SYT9: variants seen among roughly 807,000 people sequenced by gnomAD.
SYT9 encodes synaptotagmin-9.
A neutral mutation model predicts 48.4 loss-of-function variants in SYT9; 22 were observed. That is an observed-to-expected ratio of 0.45 (90% CI 0.32 to 0.65). The LOEUF (loss-of-function observed/expected upper bound fraction) is 0.65. Ranked by LOEUF, SYT9 falls within the 30% of genes least tolerant of loss-of-function variation. SYT9 has a pLI of 0.03. For synonymous variants in SYT9, 265 were observed against 245.0 expected, an observed-to-expected ratio of 1.08 and a Z score of -0.76; for missense variants, 577 against 622.0, an observed-to-expected ratio of 0.93 and a Z score of 0.77.
intron 3 of SYT9, among the ~76,000 whole-genome samples, chr11:7,395,311 G>A (rs78216475): frequency 0.028 from 4,279 of 152,222 alleles, 208 homozygotes; most frequent in African/African-American, 0.096. Context: ...TGAGAAGAAT[G>A]TACATTCTAT....
intron 3 of SYT9, among the ~76,000 whole-genome samples, chr11:7,413,404 C>A (rs1245818034): frequency 3.9e-5 from 6 of 152,118 alleles, no homozygotes; most frequent in Non-Finnish European, 8.8e-5. Flanking sequence ...GCATGAGCTC[C>A]CTCTTTGAAG....
intron 1 of SYT9, among the ~76,000 whole-genome samples, chr11:7,282,653 A>G: frequency 6.6e-6 from 1 of 152,054 alleles, no homozygotes; most frequent in East Asian, 1.9e-4. Context: ...GGGTCCTCCA[A>G]CCTGGAGTAG....
chr11:7,459,877 T>A (rs1484722535), intron 6 of SYT9, among the ~76,000 whole-genome samples: 1 of 152,116 alleles, frequency 6.6e-6, no homozygotes, highest in East Asian at 1.9e-4. Flanking sequence ...GGAAGACTTC[T>A]CCCCAAGAGC....
intron 3 of SYT9, among the ~76,000 whole-genome samples, chr11:7,316,148 A>G (rs1460301811): frequency 6.6e-6 from 1 of 151,270 alleles, no homozygotes; most frequent in Non-Finnish European, 1.5e-5. Flanking sequence ...TGTATATAAT[A>G]TAGTAAATAT....
chr11:7,272,428 T>C (rs1848314105), intron 1 of SYT9, among the ~76,000 whole-genome samples: 1 of 152,182 alleles, frequency 6.6e-6, no homozygotes, highest in Non-Finnish European at 1.5e-5. Context: ...TTCTCTCCTC[T>C]TTTTTCATCT....
At position 7,466,875 on chromosome 11, in the gene SYT9, C is replaced by T; in HGVS notation, c.*75C>T. On this transcript the variant is annotated 3_prime_UTR_variant, in exon 7 of 7. Transcript: ENST00000318881. ...TCACAAAGATCTTAAGTAACTTTTT[C>T]CATCCAGCAACATCCAGACGATTTC... The T allele has an allele frequency of 6.4e-7, 1 of 1,563,966 alleles. No individual in the cohort carries two copies.
intron 2 of SYT9, among the ~76,000 whole-genome samples, chr11:7,306,670 C>T (rs188395852): frequency 2.6e-5 from 4 of 152,266 alleles, no homozygotes; most frequent in Admixed American, 2.0e-4. Context: ...CTTTACTTCC[C>T]TTACACCCTA....
intron 3 of SYT9, among the ~76,000 whole-genome samples, chr11:7,401,166 C>T (rs1002489244): frequency 1.3e-5 from 2 of 151,962 alleles, no homozygotes; most frequent in African/African-American, 4.8e-5. Flanking sequence ...TCAATGTACA[C>T]AAACTGTTTT....
At chr11:7,463,902 G>C (rs764861944) in intron 6 of SYT9, among the ~76,000 whole-genome samples, 1 of 152,184 alleles carries the variant, frequency 6.6e-6, no homozygotes, top group East Asian at 1.9e-4. Flanking sequence ...ATGGAGTTCA[G>C]GTGGGAGCTG....
intron 3 of SYT9, among the ~76,000 whole-genome samples, chr11:7,388,390 C>T (rs1463976528): frequency 6.6e-6 from 1 of 152,082 alleles, no homozygotes; most frequent in African/African-American, 2.4e-5. Context: ...TCTCCTGCCC[C>T]TTTCCTTTTT....
Position 7,252,471 on chromosome 11 carries a change from A to C in SYT9, c.145+140A>C. 1.0e-6 allele frequency: 1 copy of C among 954,214 alleles called. No individual in the cohort carries two copies. 59.1% of individuals were successfully genotyped at this position (954,214 alleles called of 1,614,324 possible). A position where few individuals can be genotyped will look rare whatever the true frequency, so the allele number is the denominator to read the frequency against. On this transcript the variant is annotated intron_variant, in intron 1 of 6. Coordinates refer to ENST00000318881, the MANE Select transcript of SYT9 (RefSeq NM_175733.4). The surrounding 1 kb of genome is among the most constrained non-coding windows in gnomAD (Gnocchi z 6.3). ...CACCGAGCCAGGAGAGTGATCAAGA[A>C]CCAGCGCACTGTGGCCTGATGCTGT...
intron 3 of SYT9, among the ~76,000 whole-genome samples, chr11:7,379,726 C>A (rs949261020): frequency 6.6e-6 from 1 of 152,098 alleles, no homozygotes; most frequent in Non-Finnish European, 1.5e-5. Flanking sequence ...GGTGGTTACT[C>A]AACTGTCTTT....
At chr11:7,386,453 A>G (rs1329820573) in intron 3 of SYT9, among the ~76,000 whole-genome samples, 1 of 3,426 alleles carries the variant, frequency 2.9e-4, no homozygotes. Flanking sequence ...ATTTACAAGA[A>G]AAAAAAAAAC....
chr11:7,459,664 A>T (rs1848207146), intron 6 of SYT9, among the ~76,000 whole-genome samples: 1 of 152,212 alleles, frequency 6.6e-6, no homozygotes, highest in African/African-American at 2.4e-5. Context: ...TTTGGAAATA[A>T]GGTCTTTGCA....
intron 3 of SYT9, among the ~76,000 whole-genome samples, chr11:7,369,786 C>CACACAA (rs1312342748): frequency 3.7e-5 from 4 of 107,700 alleles, no homozygotes; most frequent in African/African-American, 1.9e-4. Context: ...ACCACACACA[C>CACACAA]ACACACAAAC....
chr11:7,248,440 T>C (rs1419518984), upstream of SYT9, among the ~76,000 whole-genome samples: 1 of 152,190 alleles, frequency 6.6e-6, no homozygotes, highest in Non-Finnish European at 1.5e-5. Context: ...AATGTTATCT[T>C]CCAGAATTTT....
chr11:7,374,028 C>G (rs1208451205), intron 3 of SYT9, among the ~76,000 whole-genome samples: 1 of 151,870 alleles, frequency 6.6e-6, no homozygotes, highest in Non-Finnish European at 1.5e-5. Context: ...ACCCATCAAC[C>G]CATCATCTAC....
chr11:7,273,259 A>G (rs1395783032), intron 1 of SYT9, among the ~76,000 whole-genome samples: 1 of 152,172 alleles, frequency 6.6e-6, no homozygotes, highest in East Asian at 1.9e-4. Flanking sequence ...CTGAAATGAA[A>G]AAAAGAGTTT....
chr11:7,354,574 T>C (rs1849981122), intron 3 of SYT9, among the ~76,000 whole-genome samples: 1 of 152,164 alleles, frequency 6.6e-6, no homozygotes, highest in African/African-American at 2.4e-5. Context: ...TAATCTGACA[T>C]GTGACCCCTC....
Sources: gnomAD v4.1 joint callset for allele counts (sites outside exome capture counted in the v4.1 genomes callset) on GRCh38, gnomAD v4.1.1 for gene constraint, Gnocchi (gnomAD v3.1) non-coding constraint, MANE v1.5 for transcripts, NCBI Gene and HGNC (gene_info 2026-07-23, HGNC 2026-07-21) for gene names.